Variants in KIF13B observed in about 807,000 individuals in gnomAD.
The protein encoded by KIF13B is kinesin-like protein KIF13B.
KIF13B carries 127 observed loss-of-function variants against 222.0 expected under a neutral mutation model. The ratio of observed to expected loss-of-function variants is 0.57; its 90% CI spans 0.50 to 0.66. The LOEUF (loss-of-function observed/expected upper bound fraction) is 0.66, where lower values mean the gene tolerates loss of function less well. KIF13B is among the 30% of genes least tolerant of loss of function. The probability of loss-of-function intolerance (pLI) is 0.00; values close to 1 mark genes in which losing one functional copy is unlikely to be tolerated. For missense variants in KIF13B, 2,173 were observed against 2,379.0 expected (o/e 0.91, Z 1.80); for synonymous variants, 976 against 919.0 (o/e 1.06, Z -1.12).
chr8:29,152,057 C>CG (rs1009015058), intron 14 of KIF13B, among the ~76,000 whole-genome samples: 17 of 152,040 alleles, frequency 1.1e-4, no homozygotes, highest in Non-Finnish European at 1.9e-4. Context: ...TGGATGCCTT[C>CG]GGGGGGTTCA....
rs1042618595 is a variant in KIF13B, at chr8:29,256,018, C to T, written c.55+6962G>A. ...AATCTACACCTACGTCCAGTCCCTT[C>T]GTTTCAGACTCATATTCACAATGGC... On this transcript the variant is annotated intron_variant, in intron 1 of 39. Transcript: ENST00000524189. Among the ~76,000 whole-genome samples the T allele has an allele frequency of 4.6e-5, 7 of 152,318 alleles. No homozygotes were observed. In the South Asian group the frequency reaches 8.3e-4, roughly 18 times the overall value.
rs147118387 is a variant in KIF13B at position 29,102,203 on chromosome 8, C to A, written c.4216-2962G>T. Among the ~76,000 whole-genome samples the A allele has an allele frequency of 1.2e-4, 19 of 152,292 alleles. No homozygotes were observed. In the East Asian group the frequency reaches 3.5e-3, roughly 28 times the overall value. Reference sequence around the variant, plus strand: ...CTTCGCAGGAAACCTCTGGCTCTCTCAATAGCTCAGGTCTAAACGTGAAAG... The same window carrying A: ...CTTCGCAGGAAACCTCTGGCTCTCTAAATAGCTCAGGTCTAAACGTGAAAG... On this transcript the variant is annotated intron_variant, in intron 35 of 39. Transcript: ENST00000524189.
Position 29,109,963 on chromosome 8 carries a change from G to C in KIF13B, c.4038C>G (p.Ser1346Arg), listed in dbSNP as rs185621129. The stretch of plus-strand genomic sequence containing the variant: ...TCAGGAGGTTTTCTACAGCCAGCAC[G>C]CTCCTGAGGTACTTTTCAATATAAG... ...SEAYIEKYLR[S>R]VLAVENLLTL... The change falls in exon 33 of 40, where the codon AGC becomes AGG. Residue 1346 changes from serine (S) to arginine (R), a missense_variant. Ser to Arg is a moderately radical substitution (Grantham distance 110). This residue lies in a region of KIF13B where 1,480 missense variants were observed against 1,722.8 expected (regional missense o/e 0.86). Transcript: ENST00000524189. The C allele has an allele frequency of 1.2e-6, 2 of 1,613,224 alleles. No homozygotes were observed.
At chr8:29,182,741 A>C (rs1812764083) in intron 6 of KIF13B, among the ~76,000 whole-genome samples, 1 of 152,114 alleles carries the variant, frequency 6.6e-6, no homozygotes, top group Non-Finnish European at 1.5e-5. Context: ...AAAAATATTA[A>C]GAATAAACCA....
At chr8:29,187,546 C>G (rs1375860484) in intron 5 of KIF13B, among the ~76,000 whole-genome samples, 1 of 152,092 alleles carries the variant, frequency 6.6e-6, no homozygotes, top group Non-Finnish European at 1.5e-5. Context: ...AAAAGATTTT[C>G]TCCGTTGTAA....
At chr8:29,197,104 G>A (rs990462802) in intron 2 of KIF13B, among the ~76,000 whole-genome samples, 3 of 151,858 alleles carry the variant, frequency 2.0e-5, no homozygotes, top group East Asian at 1.9e-4. Flanking sequence ...TTGGGAGGCC[G>A]AGGCGGGCGG....
chr8:29,167,708 A>G, intron 10 of KIF13B, 123 bp from the exon 11 acceptor site: 1 of 755,944 alleles, frequency 1.3e-6, no homozygotes, highest in African/African-American at 1.7e-5. Context: ...TGACAGAGCC[A>G]GGGCTAAAAT....
intron 1 of KIF13B, 99 bp downstream of exon 1, chr8:29,262,881 T>C (rs1350212815): frequency 8.5e-6 from 8 of 936,232 alleles, no homozygotes; most frequent in South Asian, 1.9e-5. Flanking sequence ...CCGCTGACTA[T>C]AGGGGCGGGG....
intron 37 of KIF13B, among the ~76,000 whole-genome samples, chr8:29,092,394 T>C (rs1441462443): frequency 6.6e-6 from 1 of 152,166 alleles, no homozygotes; most frequent in African/African-American, 2.4e-5. Flanking sequence ...AAAAAACAAA[T>C]GAAATCAAAA....
Position 29,160,692 on chromosome 8 carries a change from A to G in KIF13B, c.1404+41T>C, listed in dbSNP as rs1252148214. On this transcript the variant is annotated intron_variant, in intron 13 of 39. Transcript: ENST00000524189. The stretch of plus-strand genomic sequence containing the variant: ...CTAAAGTACTGTGAAATATTGTCCT[A>G]TTTTGTAACAAGAATCTAGTAGCAA... 4 of 1,583,398 alleles carry G rather than the reference A, an allele frequency of 2.5e-6. No homozygotes were observed. In the East Asian group the frequency reaches 9.1e-5, roughly 36 times the overall value.
At chr8:29,154,446 A>G (rs1811428794) in intron 14 of KIF13B, among the ~76,000 whole-genome samples, 1 of 152,114 alleles carries the variant, frequency 6.6e-6, no homozygotes, top group South Asian at 2.1e-4. Flanking sequence ...AACTGTTGTA[A>G]GATTTTGGCT....
intron 1 of KIF13B, among the ~76,000 whole-genome samples, chr8:29,246,177 C>T (rs528529557): frequency 6.6e-6 from 1 of 152,078 alleles, no homozygotes; most frequent in South Asian, 2.1e-4. Flanking sequence ...GTCAGGAGTT[C>T]GAGACCAGCC....
intron 2 of KIF13B, among the ~76,000 whole-genome samples, chr8:29,198,994 A>G (rs1282843719): frequency 6.6e-6 from 1 of 152,160 alleles, no homozygotes; most frequent in Non-Finnish European, 1.5e-5. Context: ...TGACGGGTAC[A>G]CTAAAATCTC....
At chr8:29,073,043 C>T (rs1162159282) in intron 38 of KIF13B, among the ~76,000 whole-genome samples, 1 of 148,142 alleles carries the variant, frequency 6.8e-6, no homozygotes, top group Non-Finnish European at 1.5e-5. Flanking sequence ...CCTGGCTGGG[C>T]ATCCCGAGCA....
chr8:29,097,532 T>C (rs1808588837), intron 36 of KIF13B, among the ~76,000 whole-genome samples: 1 of 151,824 alleles, frequency 6.6e-6, no homozygotes, highest in Non-Finnish European at 1.5e-5. Flanking sequence ...CCAAACACAA[T>C]AGTGCACATA....
In KIF13B at chr8:29,132,390, G is replaced by A. The variant is rs772772694; in HGVS notation, c.2860C>T (p.His954Tyr). The change falls in exon 23 of 40, where the codon CAT becomes TAT. Residue 954 changes from histidine (H) to tyrosine (Y), a missense_variant. Around this residue, in one of 2 missense-constraint regions of KIF13B, gnomAD observed 1,480 missense variants for 1,722.8 expected, o/e 0.86. Transcript: ENST00000524189. ...TTTTTCCGGGGATCGTTTATTTTAT[G>A]TCCATATACTTCAATTGCCAATGCT... The part of the protein sequence containing the change: ...EGALAIEVYG[H>Y]KINDPRKNPA... 25 of 1,595,606 alleles carry A rather than the reference G, an allele frequency of 1.6e-5. No homozygotes were observed. The Admixed American group carries it at 4.1e-4, about 26-fold the overall frequency.
At position 29,160,808 on chromosome 8, in the gene KIF13B, A is replaced by C. The variant is rs1280360418; in HGVS notation, c.1329T>G (p.Val443=). Residue 443 remains valine, a synonymous_variant, in exon 13 of 40, where the codon GTT becomes GTG. Transcript: ENST00000524189. ...TCACAAGGAAGCATTTATCATCCCC[A>C]ACTTTGATTCCCGAAGACTGAAGAG... The part of the protein sequence containing the change: ...GISLQSSGIK[V]GDDKCFLVNL... 6.2e-7 allele frequency: 1 copy of C among 1,613,522 alleles called. No individual in the cohort carries two copies. Among genetic ancestry groups the C allele is most frequent in the East Asian group, 2.2e-5 (1 of 44,832 alleles).
chr8:29,105,351 C>T (rs1393462080), intron 35 of KIF13B, among the ~76,000 whole-genome samples: 1 of 152,192 alleles, frequency 6.6e-6, no homozygotes, highest in Non-Finnish European at 1.5e-5. Flanking sequence ...TTCGTTCACA[C>T]AGATCCTTCT....
chr8:29,226,141 A>T (rs892352995), intron 2 of KIF13B, among the ~76,000 whole-genome samples: 2 of 152,216 alleles, frequency 1.3e-5, no homozygotes, highest in Non-Finnish European at 2.9e-5. Context: ...GTAAAATGTA[A>T]CACCTGAGTA....
Sources: allele counts gnomAD v4.1 joint callset (sites outside exome capture counted in the v4.1 genomes callset), GRCh38; gene constraint gnomAD v4.1.1; regional missense constraint gnomAD v4.1.1; transcripts MANE v1.5; gene names NCBI Gene and HGNC (gene_info 2026-07-23, HGNC 2026-07-21).